Variants in ARHGAP18 observed in about 807,000 individuals in gnomAD.
ARHGAP18 encodes rho GTPase-activating protein 18.
ARHGAP18 carries 67 observed loss-of-function variants against 86.2 expected under a neutral mutation model. The observed-to-expected ratio is 0.78, with a 90% CI of 0.64 to 0.95. The LOEUF (loss-of-function observed/expected upper bound fraction) is 0.95, where lower values mean the gene tolerates loss of function less well. ARHGAP18 is among the 40% of genes least tolerant of loss of function. ARHGAP18 has a pLI of 0.00. For missense variants in ARHGAP18, 691 were observed against 780.4 expected (o/e 0.89, Z 1.37); for synonymous variants, 283 against 280.4 (o/e 1.01, Z -0.09).
chr6:129,601,776 G>A (rs1788751630), intron 10 of ARHGAP18, among the ~76,000 whole-genome samples: 1 of 151,792 alleles, frequency 6.6e-6, no homozygotes, highest in African/African-American at 2.4e-5. Context: ...ACAGGTGCAT[G>A]CCACCATGCC....
rs1242156291 is a variant in ARHGAP18 at position 129,576,685 on chromosome 6, T to C, written c.*1828A>G. Reference sequence around the variant, plus strand: ...CAAACGTTGCGAAATTTAGTTGGCATATGCTTCAGACAACCTTTTACTTAA... The same window carrying C: ...CAAACGTTGCGAAATTTAGTTGGCACATGCTTCAGACAACCTTTTACTTAA... On this transcript the variant is annotated 3_prime_UTR_variant, in exon 15 of 15. Transcript: ENST00000368149. 1.3e-5 allele frequency: 2 copies of C among 152,170 alleles called. No individual in the cohort carries two copies. Among genetic ancestry groups the C allele is most frequent in the Middle Eastern group, 3.2e-3 (1 of 316 alleles). 9.4% of individuals were successfully genotyped at this position (152,170 alleles called of 1,614,324 possible).
chr6:129,582,514 A>C lies in ARHGAP18; in HGVS notation c.1838+1474T>G, dbSNP rs527769634. On this transcript the variant is annotated intron_variant, in intron 13 of 14. Coordinates refer to ENST00000368149, the MANE Select transcript of ARHGAP18 (RefSeq NM_033515.3). ...GAATGAGAGCATGGCTGGTGGGAAG[A>C]ATGGCAAAAGTTAGTATCTACTAAG... Among the ~76,000 whole-genome samples, 229 of 152,312 alleles carry C rather than the reference A, an allele frequency of 1.5e-3. 4 individuals are homozygous for C. The South Asian group carries it at 0.018, about 12-fold the overall frequency.
chr6:129,629,274 T>A, intron 5 of ARHGAP18, 79 bp downstream of exon 5: 1 of 1,140,650 alleles, frequency 8.8e-7, no homozygotes, highest in Non-Finnish European at 1.2e-6. Flanking sequence ...TGTGTGTGCG[T>A]GTGTGTGTAT....
intron 1 of ARHGAP18, among the ~76,000 whole-genome samples, chr6:129,687,191 G>C (rs1200640878): frequency 6.6e-6 from 1 of 151,808 alleles, no homozygotes; most frequent in Non-Finnish European, 1.5e-5. Context: ...ATGTTGAACA[G>C]GTATGCAGGG....
At chr6:129,622,823 A>G (rs972146652) in intron 5 of ARHGAP18, among the ~76,000 whole-genome samples, 128 of 152,158 alleles carry the variant, frequency 8.4e-4, no homozygotes, top group African/African-American at 2.8e-3. Flanking sequence ...CAACATGGTG[A>G]AACCCCATCT....
chr6:129,682,610 C>G (rs1275214212), intron 1 of ARHGAP18, among the ~76,000 whole-genome samples: 1 of 152,178 alleles, frequency 6.6e-6, no homozygotes, highest in Non-Finnish European at 1.5e-5. Flanking sequence ...TAAACTAAAA[C>G]CCTAGAGACA....
intron 12 of ARHGAP18, among the ~76,000 whole-genome samples, chr6:129,586,509 A>G (rs1788397605): frequency 6.6e-6 from 1 of 152,150 alleles, no homozygotes; most frequent in South Asian, 2.1e-4. Context: ...AAGTTAGGAA[A>G]TCCTGGTTAA....
chr6:129,597,390 A>C (rs956861383), intron 12 of ARHGAP18, among the ~76,000 whole-genome samples: 1 of 151,960 alleles, frequency 6.6e-6, no homozygotes, highest in African/African-American at 2.4e-5. Context: ...GGCCAAACAG[A>C]CCTCCACCAT....
intron 8 of ARHGAP18, among the ~76,000 whole-genome samples, chr6:129,611,210 C>A (rs191080375): frequency 6.6e-6 from 1 of 152,146 alleles, no homozygotes; most frequent in Non-Finnish European, 1.5e-5. Flanking sequence ...CCCTGACTTC[C>A]GTAAACTCAA....
chr6:129,678,446 A>G (rs1297955236), intron 1 of ARHGAP18, among the ~76,000 whole-genome samples: 1 of 152,244 alleles, frequency 6.6e-6, no homozygotes, highest in Non-Finnish European at 1.5e-5. Context: ...AGCCGCTGGC[A>G]TCTGTACTTA....
At chr6:129,666,070 GA>G (rs1231579006) in intron 1 of ARHGAP18, among the ~76,000 whole-genome samples, 1 of 151,984 alleles carries the variant, frequency 6.6e-6, no homozygotes, top group Non-Finnish European at 1.5e-5. Context: ...CCAAGCAGAA[GA>G]GAATTTTATT....
At chr6:129,616,417 A>G in intron 6 of ARHGAP18, 114 bp from the exon 7 acceptor site, 1 of 790,112 alleles carries the variant, frequency 1.3e-6, no homozygotes. Flanking sequence ...TTTATTTAGC[A>G]ACTACTAAGT....
rs890560118 is a variant in ARHGAP18 at position 129,577,325 on chromosome 6, C to A, written c.*1188G>T. ...AGTACTACTAAAAGTATCATGAACA[C>A]CGTTTGTGCAGCATTCATTTACATC... On this transcript the variant is annotated 3_prime_UTR_variant, in exon 15 of 15. Transcript: ENST00000368149. 3 of 152,108 alleles carry A rather than the reference C, an allele frequency of 2.0e-5. No individual in the cohort carries two copies. The highest frequency in any genetic ancestry group is 7.2e-5 in the African/African-American group (3 of 41,438). The allele number at this position is 152,108 out of a possible 1,614,324, so 9.4% of individuals were successfully genotyped here.
chr6:129,590,536 C>G (rs1788487697), intron 12 of ARHGAP18, among the ~76,000 whole-genome samples: 1 of 152,144 alleles, frequency 6.6e-6, no homozygotes, highest in African/African-American at 2.4e-5. Context: ...CCTACAGATT[C>G]CTTCTGGCTA....
intron 11 of ARHGAP18, 72 bp from the exon 12 acceptor site, chr6:129,599,428 T>C: frequency 1.6e-6 from 2 of 1,267,622 alleles, no homozygotes; most frequent in Non-Finnish European, 2.1e-6. Context: ...AAAAAAATTA[T>C]ATTTTTTTAA....
chr6:129,665,937 T>C (rs966341558), intron 1 of ARHGAP18, among the ~76,000 whole-genome samples: 3 of 152,198 alleles, frequency 2.0e-5, no homozygotes, highest in Non-Finnish European at 4.4e-5. Flanking sequence ...TCTCTTTCTA[T>C]CAGGACTTTT....
chr6:129,693,345 T>C (rs1774559135), intron 1 of ARHGAP18, among the ~76,000 whole-genome samples: 1 of 152,210 alleles, frequency 6.6e-6, no homozygotes, highest in African/African-American at 2.4e-5. Flanking sequence ...ATGGTGGTGG[T>C]GGCAGTGGTG....
At chr6:129,648,154 C>T (rs1445987830) in intron 1 of ARHGAP18, among the ~76,000 whole-genome samples, 1 of 148,710 alleles carries the variant, frequency 6.7e-6, no homozygotes, top group African/African-American at 2.5e-5. Context: ...TTCCAATGCA[C>T]TTTTTTTTTT....
At chr6:129,689,997 C>A (rs2051631) in intron 1 of ARHGAP18, among the ~76,000 whole-genome samples, 129,239 of 152,170 alleles carry the variant, frequency 0.85, 55,282 homozygotes, top group South Asian at 0.9. Context: ...GTAATTACAT[C>A]TATTTAAATT....
Sources: gnomAD v4.1 joint callset for allele counts (sites outside exome capture counted in the v4.1 genomes callset) on GRCh38, gnomAD v4.1.1 for gene constraint, MANE v1.5 for transcripts, NCBI Gene and HGNC (gene_info 2026-07-23, HGNC 2026-07-21) for gene names.